CUEDC1: variants seen among roughly 807,000 people sequenced by gnomAD.
CUEDC1 encodes the protein CUE domain containing 1, also known as CUE domain-containing protein 1.
CUEDC1 carries 30 observed loss-of-function variants against 43.7 expected under a neutral mutation model. The ratio of observed to expected loss-of-function variants is 0.69; its 90% CI spans 0.51 to 0.93. CUEDC1 has a LOEUF of 0.93. Among genes scored for constraint, CUEDC1 ranks in the 40% least tolerant of loss-of-function variants. The probability of loss-of-function intolerance (pLI) is 0.00; values close to 1 mark genes in which losing one functional copy is unlikely to be tolerated. For synonymous variants in CUEDC1, 223 were observed against 223.6 expected (o/e 1.00, Z 0.02); for missense variants, 486 against 549.0 (o/e 0.89, Z 1.15).
At chr17:57,947,833 A>G (rs2074972871) in intron 1 of CUEDC1, among the ~76,000 whole-genome samples, 1 of 152,022 alleles carries the variant, frequency 6.6e-6, no homozygotes, top group Admixed American at 6.6e-5. Flanking sequence ...AAATAAAAAC[A>G]CTTTTGTGCT....
In CUEDC1 at chr17:57,871,389, A is replaced by AAC. The variant is rs1248276752; in HGVS notation, c.785-21_785-20insGT. On this transcript the variant is annotated intron_variant, in intron 5 of 10. Coordinates refer to ENST00000577830, the MANE Select transcript of CUEDC1 (RefSeq NM_001271875.2). Reference sequence around the variant, plus strand: ...ATCGATCTGGAAAAGGACCACATTCACAGGTCAGGGAGGTTAGCTCCTGGG... The same window carrying AAC: ...ATCGATCTGGAAAAGGACCACATTCAACCAGGTCAGGGAGGTTAGCTCCTGGG... 24 of 1,609,758 alleles carry AAC rather than the reference A, an allele frequency of 1.5e-5. No individual in the cohort carries two copies. Among genetic ancestry groups the AAC allele is most frequent in the Non-Finnish European group, 2.0e-5 (24 of 1,176,896 alleles).
At chr17:57,880,410 A>G (rs1015726276) in intron 2 of CUEDC1, among the ~76,000 whole-genome samples, 5 of 152,206 alleles carry the variant, frequency 3.3e-5, no homozygotes, top group African/African-American at 1.2e-4. Flanking sequence ...TGAGTCTTCA[A>G]CTTGGACCAC....
At chr17:57,890,866 T>C (rs1354290085) in intron 1 of CUEDC1, among the ~76,000 whole-genome samples, 3 of 152,352 alleles carry the variant, frequency 2.0e-5, no homozygotes, top group Middle Eastern at 3.4e-3. Context: ...GGGTGCACTT[T>C]GTGACCTTAG....
intron 5 of CUEDC1, among the ~76,000 whole-genome samples, chr17:57,871,755 C>T (rs534614372): frequency 6.6e-6 from 1 of 152,280 alleles, no homozygotes; most frequent in South Asian, 2.1e-4. Flanking sequence ...GAAACCCCGT[C>T]TCTACTAAAA....
chr17:57,912,948 G>T (rs766558751), intron 1 of CUEDC1, among the ~76,000 whole-genome samples: 2 of 152,108 alleles, frequency 1.3e-5, no homozygotes, highest in Non-Finnish European at 2.9e-5. Context: ...GCTCAAAAGC[G>T]ATCCTCCCAC....
chr17:57,893,415 T>C (rs1206098256), intron 1 of CUEDC1, among the ~76,000 whole-genome samples: 4 of 148,994 alleles, frequency 2.7e-5, no homozygotes, highest in Non-Finnish European at 6.0e-5. Flanking sequence ...CTCCTGCCCC[T>C]GCAAAGGCTT....
intron 9 of CUEDC1, chr17:57,866,983 G>A: frequency 2.7e-6 from 1 of 373,122 alleles, no homozygotes; most frequent in South Asian, 3.3e-5. Flanking sequence ...CTGGGTGAAA[G>A]TTGAGAAGCC....
chr17:57,880,481 T>G (rs1187851849), intron 2 of CUEDC1, among the ~76,000 whole-genome samples: 3 of 151,708 alleles, frequency 2.0e-5, no homozygotes, highest in African/African-American at 7.3e-5. Flanking sequence ...GGGCGGAGAG[T>G]AGCAAGGGGA....
At chr17:57,906,962 A>T (rs923232075) in intron 1 of CUEDC1, among the ~76,000 whole-genome samples, 1 of 138,876 alleles carries the variant, frequency 7.2e-6, no homozygotes, top group African/African-American at 2.8e-5. Context: ...CAAGAGTGAA[A>T]CTCTGCCTCA....
intron 3 of CUEDC1, among the ~76,000 whole-genome samples, chr17:57,874,663 G>T (rs1222566962): frequency 6.6e-6 from 1 of 152,200 alleles, no homozygotes; most frequent in Non-Finnish European, 1.5e-5. Flanking sequence ...GTGTTCCGCT[G>T]AATCAGGAAA....
At position 57,931,999 on chromosome 17, in the gene CUEDC1, T is replaced by C. The variant is rs368200049; in HGVS notation, c.-316+23226A>G. On this transcript the variant is annotated intron_variant, in intron 1 of 10. Coordinates refer to ENST00000577830, the MANE Select transcript of CUEDC1 (RefSeq NM_001271875.2). ...TTAAAACGCATCTCTAGGCTGGGAG[T>C]GGTAGCTCATGCCTGTAATCCCAGC... 1.3e-4 allele frequency among the ~76,000 whole-genome samples: 19 copies of C among 151,696 alleles called. No homozygotes were observed. In the East Asian group the frequency reaches 2.9e-3, roughly 23 times the overall value.
At chr17:57,928,423 C>A (rs2143143634) in intron 1 of CUEDC1, among the ~76,000 whole-genome samples, 1 of 151,994 alleles carries the variant, frequency 6.6e-6, no homozygotes, top group East Asian at 1.9e-4. Context: ...GTGGCGGGTG[C>A]CTGTAGTCCC....
At chr17:57,887,014 G>C (rs1292204306) in intron 1 of CUEDC1, among the ~76,000 whole-genome samples, 1 of 151,860 alleles carries the variant, frequency 6.6e-6, no homozygotes, top group East Asian at 1.9e-4. Context: ...GTAGAGACAG[G>C]GTTTCACCAT....
At chr17:57,866,334 T>A (rs545394852) in intron 10 of CUEDC1, 140 bp downstream of exon 10, 2 of 664,806 alleles carry the variant, frequency 3.0e-6, no homozygotes, top group Admixed American at 2.9e-5. Flanking sequence ...GCCGCAACTA[T>A]GAGGGAAGAC....
intron 1 of CUEDC1, among the ~76,000 whole-genome samples, chr17:57,929,631 G>GAACT (rs1346914688): frequency 6.6e-6 from 1 of 152,132 alleles, no homozygotes; most frequent in East Asian, 1.9e-4. Flanking sequence ...ATCGGTTCCT[G>GAACT]AACTAAGGAA....
Position 57,954,717 on chromosome 17 carries a change from C to T in CUEDC1, c.-316+508G>A, listed in dbSNP as rs904349548. Among the ~76,000 whole-genome samples, 1 of 152,100 alleles carries T rather than the reference C, an allele frequency of 6.6e-6. No individual in the cohort carries two copies. Among genetic ancestry groups the T allele is most frequent in the Non-Finnish European group, 1.5e-5 (1 of 67,996 alleles). On this transcript the variant is annotated intron_variant, in intron 1 of 10. Transcript: ENST00000577830. The surrounding 1 kb of genome is among the most constrained non-coding windows in gnomAD (Gnocchi z 4.3). Reference sequence around the variant, plus strand: ...CATCGGCGGGGGGCAGGAAGCGAAGCTCCCCTCCCCCTGAAAGGCGCTCGG... The same window carrying T: ...CATCGGCGGGGGGCAGGAAGCGAAGTTCCCCTCCCCCTGAAAGGCGCTCGG...
At chr17:57,945,191 T>C (rs1567726978) in intron 1 of CUEDC1, among the ~76,000 whole-genome samples, 1 of 152,182 alleles carries the variant, frequency 6.6e-6, no homozygotes, top group Non-Finnish European at 1.5e-5. Flanking sequence ...TACAGAAATA[T>C]TTCCATTACG....
chr17:57,866,467 G>A lies in CUEDC1; in HGVS notation c.*3+7C>T. 6.2e-7 allele frequency: 1 copy of A among 1,613,922 alleles called. No homozygotes were observed. Among genetic ancestry groups the A allele is most frequent in the South Asian group, 1.1e-5 (1 of 91,080 alleles). ...AGTCCCTGGGTTGCTATGGCTCCAG[G>A]CCTTACCTCTTACTGTCCTTCTCGC... On this transcript the variant is annotated splice_region_variant and intron_variant, in intron 10 of 10. Transcript: ENST00000577830.
At chr17:57,883,247 C>G (rs2074240928) in intron 2 of CUEDC1, among the ~76,000 whole-genome samples, 1 of 152,172 alleles carries the variant, frequency 6.6e-6, no homozygotes, top group Non-Finnish European at 1.5e-5. Flanking sequence ...GTGGATTGTC[C>G]TGGGTGCTGC....
Sources: allele counts gnomAD v4.1 joint callset (sites outside exome capture counted in the v4.1 genomes callset), GRCh38; gene constraint gnomAD v4.1.1; non-coding constraint Gnocchi (gnomAD v3.1); transcripts MANE v1.5; gene names NCBI Gene and HGNC (gene_info 2026-07-23, HGNC 2026-07-21).